CNIH4: variants seen among roughly 807,000 people sequenced by gnomAD.
CNIH4 encodes the protein protein cornichon homolog 4.
CNIH4 carries 9 observed loss-of-function variants against 21.5 expected under a neutral mutation model. The ratio of observed to expected loss-of-function variants is 0.42; its 90% confidence interval spans 0.25 to 0.73. The LOEUF is 0.73. Ranked by LOEUF, CNIH4 falls within the 30% of genes least tolerant of loss-of-function variation. The pLI, the probability that CNIH4 is intolerant of heterozygous loss-of-function variation, is 0.27. For missense variants in CNIH4, 159 were observed against 170.0 expected (o/e 0.94, Z 0.36); for synonymous variants, 67 against 59.1 (o/e 1.13, Z -0.61).
intron 1 of CNIH4, among the ~76,000 whole-genome samples, chr1:224,358,034 C>T (rs973874347): frequency 1.3e-5 from 2 of 152,066 alleles, no homozygotes; most frequent in African/African-American, 2.4e-5. Context: ...CTAGAGCATG[C>T]GGGCTTTAGG....
chr1:224,375,427 A>G (rs1475505920), intron 4 of CNIH4, among the ~76,000 whole-genome samples: 1 of 151,212 alleles, frequency 6.6e-6, no homozygotes, highest in Non-Finnish European at 1.5e-5. Flanking sequence ...CAGGCATAGA[A>G]CAGTATGTAT....
chr1:224,362,422 A>T (rs556123307), intron 2 of CNIH4, among the ~76,000 whole-genome samples: 4 of 147,014 alleles, frequency 2.7e-5, no homozygotes, highest in Admixed American at 6.8e-5. Flanking sequence ...CCTGTCCTCT[A>T]TGGGAAAGTT....
intron 2 of CNIH4, among the ~76,000 whole-genome samples, chr1:224,361,520 G>T (rs1672288003): frequency 1.3e-5 from 2 of 152,050 alleles, no homozygotes; most frequent in East Asian, 1.9e-4. Flanking sequence ...TTGGCAAAGT[G>T]CTGGGATTAC....
In CNIH4 at chr1:224,365,906, A is replaced by G; in HGVS notation, c.166A>G (p.Thr56Ala). 3.7e-6 allele frequency: 6 copies of G among 1,611,752 alleles called. No individual in the cohort carries two copies. Among genetic ancestry groups the G allele is most frequent in the Non-Finnish European group, 5.1e-6 (6 of 1,177,854 alleles). The change falls in exon 3 of 5, where the codon ACC becomes GCC. Residue 56 changes from threonine (T) to alanine (A), a missense_variant. Coordinates refer to ENST00000465271, the MANE Select transcript of CNIH4 (RefSeq NM_014184.4). ...GGTAATTCCAGAATTGATTGGCCAT[A>G]CCATTGTCACTGTATTACTGCTCAT... ...KWVIPELIGH[T>A]IVTVLLLMSL...
In CNIH4 at chr1:224,362,259, T is replaced by A. The variant is rs565470104; in HGVS notation, c.138+1696T>A. On this transcript the variant is annotated intron_variant, in intron 2 of 4. Coordinates refer to ENST00000465271, the MANE Select transcript of CNIH4 (RefSeq NM_014184.4). Reference sequence around the variant, plus strand: ...CCACGCCCGGCTAATTTTTTTGTATTTTTTAGTGGAGACGGGGTTTCACCG... The same window carrying A: ...CCACGCCCGGCTAATTTTTTTGTATATTTTAGTGGAGACGGGGTTTCACCG... Among the ~76,000 whole-genome samples, 6 of 151,676 alleles carry A rather than the reference T, an allele frequency of 4.0e-5. No individual in the cohort carries two copies. In the South Asian group the frequency reaches 1.3e-3, roughly 32 times the overall value.
intron 2 of CNIH4, among the ~76,000 whole-genome samples, chr1:224,361,869 G>A (rs537613693): frequency 6.6e-6 from 1 of 152,308 alleles, no homozygotes; most frequent in East Asian, 1.9e-4. Flanking sequence ...ACAGTTGTGA[G>A]CCACTGCGCC....
chr1:224,362,478 C>T (rs571064541), intron 2 of CNIH4, among the ~76,000 whole-genome samples: 15 of 137,296 alleles, frequency 1.1e-4, no homozygotes, highest in East Asian at 4.3e-4. Flanking sequence ...AGTGCTGTAT[C>T]GCTGTGTACT....
rs1233940121 is a variant in CNIH4, at chr1:224,360,524, T to C, written c.99T>C (p.Asp33=). 6.9e-5 allele frequency: 102 copies of C among 1,479,488 alleles called. No individual in the cohort carries two copies. The highest frequency in any genetic ancestry group is 9.0e-5 in the Non-Finnish European group (100 of 1,107,072). The allele number at this position is 1,479,488 out of a possible 1,614,324, so 91.6% of individuals were successfully genotyped here. A position where few individuals can be genotyped will look rare whatever the true frequency, so the allele number is the denominator to read the frequency against. The change falls in exon 2 of 5, where the codon GAT becomes GAC. Residue 33 remains aspartate, a synonymous_variant. Transcript: ENST00000465271. ...TTACATTGTCTGATTTAGAATGTGA[T>C]TACATTAATGCTAGATCATGTTGCT... The part of the protein sequence containing the change: ...FIITLSDLEC[D]YINARSCCSK...
chr1:224,375,466 T>C lies in CNIH4; in HGVS notation c.393-329T>C, dbSNP rs545317485. 2.1e-5 allele frequency among the ~76,000 whole-genome samples: 3 copies of C among 146,336 alleles called. 1 individual carries two copies. The South Asian group carries it at 6.6e-4, about 32-fold the overall frequency. On this transcript the variant is annotated intron_variant, in intron 4 of 4. Coordinates refer to ENST00000465271, the MANE Select transcript of CNIH4 (RefSeq NM_014184.4). ...GCTAGAGAATTTAAAGGTTTTTTTT[T>C]CTGGACATAGGTGTTTTTTGTTTTG... is the stretch of plus-strand genomic sequence containing the variant.
chr1:224,374,917 G>A (rs1219080120), intron 4 of CNIH4, among the ~76,000 whole-genome samples: 1 of 152,194 alleles, frequency 6.6e-6, no homozygotes, highest in Non-Finnish European at 1.5e-5. Context: ...GTTGAATTTG[G>A]ACAATTATTT....
At chr1:224,371,107 C>T (rs1292380871) in intron 3 of CNIH4, among the ~76,000 whole-genome samples, 176 bp from the exon 4 acceptor site, 1 of 152,120 alleles carries the variant, frequency 6.6e-6, no homozygotes, top group Non-Finnish European at 1.5e-5. Flanking sequence ...GAACTCCTGA[C>T]CTCAGGTGAT....
chr1:224,366,145 G>GATTCTCCCACTTC (rs1672446741), intron 3 of CNIH4, among the ~76,000 whole-genome samples, 154 bp downstream of exon 3: 1 of 149,932 alleles, frequency 6.7e-6, no homozygotes, highest in African/African-American at 2.5e-5. Context: ...CAGTTTAAGC[G>GATTCTCCCACTTC]ATTCTCCCAC....
intron 4 of CNIH4, among the ~76,000 whole-genome samples, chr1:224,371,726 T>G (rs1672636557): frequency 6.6e-6 from 1 of 152,200 alleles, no homozygotes. Flanking sequence ...GCAGATCACC[T>G]GAGGTCGGGA....
chr1:224,356,832 AC>A, upstream of CNIH4: 2 of 1,084,464 alleles, frequency 1.8e-6, no homozygotes, highest in Non-Finnish European at 2.8e-6. Flanking sequence ...CGAGGACCAC[AC>A]GCCTCAGCCA....
chr1:224,366,073 A>G, intron 3 of CNIH4, 82 bp downstream of exon 3: 1 of 868,420 alleles, frequency 1.2e-6, no homozygotes, highest in Non-Finnish European at 2.0e-6. Context: ...ACAGGATCTT[A>G]CTCTGTTACC....
intron 3 of CNIH4, 123 bp downstream of exon 3, chr1:224,366,114 T>A (rs761337566): frequency 3.8e-4 from 260 of 677,376 alleles, no homozygotes; most frequent in Middle Eastern, 2.6e-4. Context: ...TGATCTCAGC[T>A]CACTGCAATT....
intron 4 of CNIH4, among the ~76,000 whole-genome samples, chr1:224,373,389 C>A (rs1672688009): frequency 6.6e-6 from 1 of 152,194 alleles, no homozygotes; most frequent in African/African-American, 2.4e-5. Context: ...GAGCAGGCAT[C>A]TCCTGGGGGC....
intron 1 of CNIH4, 68 bp downstream of exon 1, chr1:224,357,061 C>G: frequency 6.5e-7 from 1 of 1,549,900 alleles, no homozygotes; most frequent in Non-Finnish European, 8.8e-7. Context: ...AGTTGGGCAC[C>G]CGGGCAGGTG....
intron 2 of CNIH4, among the ~76,000 whole-genome samples, chr1:224,362,315 C>T (rs2102852720): frequency 6.6e-6 from 1 of 151,696 alleles, no homozygotes; most frequent in Non-Finnish European, 1.5e-5. Flanking sequence ...ATCTCCTGAC[C>T]TCATGATCTG....
Sources: gnomAD v4.1 joint callset for allele counts (sites outside exome capture counted in the v4.1 genomes callset) on GRCh38, gnomAD v4.1.1 for gene constraint, MANE v1.5 for transcripts, NCBI Gene and HGNC (gene_info 2026-07-23, HGNC 2026-07-21) for gene names.